The following EXOC6 variants were observed in gnomAD, a reference collection of about 807,000 sequenced individuals.
EXOC6 encodes SEC15-like 1.
In EXOC6, 60 loss-of-function variants were observed where a neutral mutation model predicts 112.5. That is an observed-to-expected ratio of 0.53 (90% CI 0.43 to 0.66). The LOEUF (loss-of-function observed/expected upper bound fraction) is 0.66, where lower values mean the gene tolerates loss of function less well. Among genes scored for constraint, EXOC6 ranks in the 30% least tolerant of loss-of-function variants. EXOC6 has a pLI of 0.00. For synonymous variants in EXOC6, 295 were observed against 308.0 expected, an observed-to-expected ratio of 0.96 and a Z score of 0.44; for missense variants, 855 against 957.1, an observed-to-expected ratio of 0.89 and a Z score of 1.41.
chr10:92,952,902 T>A (rs1220032959), intron 15 of EXOC6, among the ~76,000 whole-genome samples: 2 of 152,098 alleles, frequency 1.3e-5, no homozygotes, highest in African/African-American at 4.8e-5. Context: ...AGGCCAGGGG[T>A]GCTGCCATAG....
upstream of EXOC6, among the ~76,000 whole-genome samples, chr10:92,846,534 T>C (rs1478946262): frequency 6.6e-6 from 1 of 151,942 alleles, no homozygotes; most frequent in Non-Finnish European, 1.5e-5. Flanking sequence ...AAATTGAAAC[T>C]GAAACATAAA....
intron 20 of EXOC6, among the ~76,000 whole-genome samples, chr10:93,026,396 A>G (rs1438455649): frequency 6.6e-6 from 1 of 152,076 alleles, no homozygotes. Context: ...ATCACCTGGT[A>G]TTGTCTGTCT....
intron 14 of EXOC6, among the ~76,000 whole-genome samples, chr10:92,948,766 C>T (rs1853212438): frequency 6.6e-6 from 1 of 151,878 alleles, no homozygotes; most frequent in African/African-American, 2.4e-5. Context: ...AGAGTATATC[C>T]TAGTGAAAGA....
At chr10:92,846,170 T>C (rs1564766278), upstream of EXOC6, among the ~76,000 whole-genome samples, 1 of 152,178 alleles carries the variant, frequency 6.6e-6, no homozygotes, top group African/African-American at 2.4e-5. Flanking sequence ...GGGCAGGTGT[T>C]GAAACAGGGC....
chr10:92,962,416 G>A (rs1814415214), intron 17 of EXOC6, among the ~76,000 whole-genome samples: 2 of 151,710 alleles, frequency 1.3e-5, no homozygotes, highest in South Asian at 4.2e-4. Flanking sequence ...TTGAGACAGG[G>A]TCCCACTCTG....
intron 5 of EXOC6, among the ~76,000 whole-genome samples, chr10:92,902,974 A>G (rs780184694): frequency 2.6e-5 from 4 of 152,244 alleles, no homozygotes; most frequent in Admixed American, 6.5e-5. Context: ...GTTTGCAGGT[A>G]TTATGAATAA....
At chr10:93,016,127 C>G (rs975118605) in intron 20 of EXOC6, among the ~76,000 whole-genome samples, 14 of 151,924 alleles carry the variant, frequency 9.2e-5, no homozygotes, top group African/African-American at 3.1e-4. Flanking sequence ...ACCTGTGATC[C>G]TATATTTATT....
At chr10:92,910,007 CAAATT>C (rs1850650587) in intron 6 of EXOC6, among the ~76,000 whole-genome samples, 1 of 152,110 alleles carries the variant, frequency 6.6e-6, no homozygotes, top group Non-Finnish European at 1.5e-5. Context: ...CTATTTAAAA[CAAATT>C]AAAAGTATTA....
intron 19 of EXOC6, among the ~76,000 whole-genome samples, chr10:93,003,009 T>G (rs1210172030): frequency 6.6e-6 from 1 of 152,086 alleles, no homozygotes; most frequent in Non-Finnish European, 1.5e-5. Flanking sequence ...GAACTCAGAT[T>G]GGAAATCATG....
At chr10:92,920,283 C>T (rs924321894) in intron 8 of EXOC6, among the ~76,000 whole-genome samples, 2 of 152,116 alleles carry the variant, frequency 1.3e-5, no homozygotes, top group African/African-American at 2.4e-5. Flanking sequence ...TTCCATTTCT[C>T]CCTATTGCCT....
chr10:92,945,263 A>G (rs2133986670), intron 13 of EXOC6, among the ~76,000 whole-genome samples: 1 of 152,260 alleles, frequency 6.6e-6, no homozygotes, highest in Admixed American at 6.5e-5. Context: ...TATTTTGGAT[A>G]CTAACTCCTT....
intron 1 of EXOC6, among the ~76,000 whole-genome samples, chr10:92,842,709 T>C (rs1442534131): frequency 6.6e-6 from 1 of 150,788 alleles, no homozygotes; most frequent in Non-Finnish European, 1.5e-5. Context: ...GTGGTGGAGT[T>C]GGTGGGGTGG....
intron 5 of EXOC6, among the ~76,000 whole-genome samples, chr10:92,906,882 T>C (rs1850472504): frequency 6.6e-6 from 1 of 152,178 alleles, no homozygotes; most frequent in Admixed American, 6.5e-5. Flanking sequence ...TTTCTAGTGG[T>C]TATGGATTAC....
chr10:93,033,017 G>A (rs776096163), intron 20 of EXOC6, among the ~76,000 whole-genome samples: 2 of 152,150 alleles, frequency 1.3e-5, no homozygotes, highest in Admixed American at 1.3e-4. Flanking sequence ...AATGTAGTGT[G>A]CAAGAGGAAG....
chr10:92,952,455 A>G, intron 15 of EXOC6, 73 bp downstream of exon 15: 1 of 973,098 alleles, frequency 1.0e-6, no homozygotes, highest in Non-Finnish European at 1.6e-6. Flanking sequence ...TTTATGCCAT[A>G]ACTTTTTTTT....
chr10:92,965,522 T>C (rs1842009334), intron 17 of EXOC6, among the ~76,000 whole-genome samples: 1 of 152,194 alleles, frequency 6.6e-6, no homozygotes, highest in Non-Finnish European at 1.5e-5. Flanking sequence ...GAGTTGATAA[T>C]GCTCTTGACC....
intron 1 of EXOC6, among the ~76,000 whole-genome samples, chr10:92,859,369 C>T (rs555851623): frequency 1.4e-4 from 22 of 152,318 alleles, no homozygotes; most frequent in Admixed American, 5.2e-4. Context: ...TTTAGCAGTG[C>T]TCTCTTTGAC....
chr10:93,011,278 A>G (rs1396013372), intron 19 of EXOC6, among the ~76,000 whole-genome samples: 1 of 150,420 alleles, frequency 6.6e-6, no homozygotes, highest in Admixed American at 6.6e-5. Flanking sequence ...TTTTTTTAAG[A>G]CAAGATCTTG....
chr10:92,855,870 TTTTC>T (rs1035914214), intron 1 of EXOC6, among the ~76,000 whole-genome samples: 1 of 152,004 alleles, frequency 6.6e-6, no homozygotes, highest in African/African-American at 2.4e-5. Flanking sequence ...TGTTTTTGTT[TTTTC>T]TTTTTTTTGA....
Sources: allele counts gnomAD v4.1 joint callset (sites outside exome capture counted in the v4.1 genomes callset), GRCh38; gene constraint gnomAD v4.1.1; transcripts MANE v1.5; gene names NCBI Gene and HGNC (gene_info 2026-07-23, HGNC 2026-07-21).